DNAJB1: variants seen among roughly 807,000 people sequenced by gnomAD.
The protein encoded by DNAJB1 is dnaJ homolog subfamily B member 1.
DNAJB1 carries 14 observed loss-of-function variants against 24.0 expected under a neutral mutation model. The ratio of observed to expected loss-of-function variants is 0.58; its 90% CI spans 0.39 to 0.91. DNAJB1 has a LOEUF of 0.91. DNAJB1 is among the 40% of genes least tolerant of loss of function. The pLI, the probability that DNAJB1 is intolerant of heterozygous loss-of-function variation, is 0.00. For missense variants in DNAJB1, 517 were observed against 458.1 expected (o/e 1.13, Z -1.17); for synonymous variants, 262 against 174.4 (o/e 1.50, Z -3.96).
chr19:14,547,073 G>C (rs765939867), intron 1 of DNAJB1, among the ~76,000 whole-genome samples: 53 of 152,104 alleles, frequency 3.5e-4, no homozygotes, highest in Non-Finnish European at 7.2e-4. Context: ...ATTATAATAA[G>C]ATCCTATGAA....
chr19:14,519,836 G>T (rs777605266), upstream of DNAJB1, among the ~76,000 whole-genome samples: 1 of 152,130 alleles, frequency 6.6e-6, no homozygotes, highest in African/African-American at 2.4e-5. Context: ...CAACACGATC[G>T]CGTTTGGCTC....
At chr19:14,531,303 C>G (rs539478267), upstream of DNAJB1, 1 of 152,116 alleles carries the variant, frequency 6.6e-6, no homozygotes, top group African/African-American at 2.4e-5. Flanking sequence ...TCCCAAAGTA[C>G]TGGGATTACA....
chr19:14,517,042 T>C lies in DNAJB1; in HGVS notation c.216A>G (p.Leu72=). ...EIFDRYGEEG[L]KGSGPSGGSG... ...TACCGCCACTGGGGCCACTCCCCTT[T>C]AGGCCTGAAAAGCAGATTTAGAAGC... Residue 72 remains leucine, a synonymous_variant, in exon 2 of 3, where the codon CTA becomes CTG. Transcript: ENST00000254322. 3 of 1,605,470 alleles carry C rather than the reference T, an allele frequency of 1.9e-6. No individual in the cohort carries two copies. Among genetic ancestry groups the C allele is most frequent in the Admixed American group, 1.7e-5 (1 of 59,452 alleles).
chr19:14,552,774 G>T (rs1287581633), upstream of DNAJB1, among the ~76,000 whole-genome samples: 6 of 151,542 alleles, frequency 4.0e-5, no homozygotes, highest in African/African-American at 7.3e-5. Context: ...CTGACCTCGT[G>T]ATCCACCCGC....
At chr19:14,542,457 G>T (rs1301253901) in intron 1 of DNAJB1, among the ~76,000 whole-genome samples, 1 of 144,688 alleles carries the variant, frequency 6.9e-6, no homozygotes, top group African/African-American at 2.5e-5. Context: ...CGCCTCCCGG[G>T]TTCAATCAAT....
chr19:14,524,439 C>G (rs779132520), intron 2 of DNAJB1, among the ~76,000 whole-genome samples: 2 of 152,086 alleles, frequency 1.3e-5, no homozygotes, highest in Admixed American at 1.3e-4. Flanking sequence ...GGGAGGATCA[C>G]TTGAGCTCAG....
intron 1 of DNAJB1, among the ~76,000 whole-genome samples, chr19:14,545,396 C>T (rs1332339313): frequency 6.6e-6 from 1 of 152,224 alleles, no homozygotes; most frequent in Non-Finnish European, 1.5e-5. Context: ...CCACTGTGGC[C>T]CTCTGGGCCC....
intron 1 of DNAJB1, among the ~76,000 whole-genome samples, chr19:14,537,786 C>T (rs1019119979): frequency 2.1e-5 from 3 of 143,784 alleles, no homozygotes; most frequent in Non-Finnish European, 4.5e-5. Context: ...CGCTCTTGTC[C>T]CCTAGGCTGG....
upstream of DNAJB1, chr19:14,529,828 G>A: frequency 1.4e-6 from 2 of 1,476,442 alleles, no homozygotes; most frequent in Non-Finnish European, 1.9e-6. Context: ...GCCAGACGGC[G>A]CAGGCGCAGT....
exon 1 of DNAJB1, among the ~76,000 whole-genome samples, chr19:14,560,233 C>T (rs1978625): frequency 2.7e-4 from 41 of 151,614 alleles, no homozygotes; most frequent in Admixed American, 2.0e-4. Context: ...GAGCAGGGTA[C>T]GATTTCACCC....
chr19:14,517,808 C>G (rs1470320756), intron 1 of DNAJB1: 3 of 244,424 alleles, frequency 1.2e-5, no homozygotes, highest in African/African-American at 2.3e-5. Context: ...GGGTCCGCAG[C>G]GGGCTCCGCC....
chr19:14,536,267 GTTTT>G (rs201416657), intron 1 of DNAJB1, among the ~76,000 whole-genome samples: 1 of 138,044 alleles, frequency 7.2e-6, no homozygotes. Context: ...TCTCGAGCTA[GTTTT>G]TTTTTTTTTT....
intron 1 of DNAJB1, among the ~76,000 whole-genome samples, chr19:14,537,610 G>A (rs1568399210): frequency 6.6e-6 from 1 of 152,138 alleles, no homozygotes; most frequent in East Asian, 1.9e-4. Context: ...AGTTCAGGCT[G>A]GGTCTTAACA....
At chr19:14,556,511 C>T (rs914981379) in intron 1 of DNAJB1, among the ~76,000 whole-genome samples, 6 of 152,052 alleles carry the variant, frequency 3.9e-5, no homozygotes, top group African/African-American at 1.4e-4. Flanking sequence ...GCTATCTGCC[C>T]CCACCCCCTG....
At chr19:14,517,191 A>T in intron 1 of DNAJB1, 145 bp from the exon 2 acceptor site, 2 of 749,154 alleles carry the variant, frequency 2.7e-6, no homozygotes, top group Non-Finnish European at 4.2e-6. Flanking sequence ...CCAAGTTTCT[A>T]CCTCTCACTG....
chr19:14,542,599 T>G (rs1490608243), intron 1 of DNAJB1, among the ~76,000 whole-genome samples: 1 of 138,102 alleles, frequency 7.2e-6, no homozygotes. Context: ...TGACCTCAGG[T>G]GATCTACACG....
intron 1 of DNAJB1, among the ~76,000 whole-genome samples, chr19:14,540,290 G>A (rs894990038): frequency 9.2e-5 from 14 of 151,778 alleles, no homozygotes; most frequent in Admixed American, 3.3e-4. Flanking sequence ...GGATGGTCTC[G>A]ATCTCCTGAC....
chr19:14,550,129 CTCCTT>C (rs1159272691), intron 1 of DNAJB1, among the ~76,000 whole-genome samples: 13 of 151,974 alleles, frequency 8.6e-5, no homozygotes, highest in South Asian at 2.1e-4. Context: ...ATTTTTGTCT[CTCCTT>C]CTATAGCTGA....
intron 1 of DNAJB1, among the ~76,000 whole-genome samples, chr19:14,555,528 C>T (rs2073692330): frequency 1.3e-5 from 2 of 150,058 alleles, no homozygotes; most frequent in South Asian, 2.1e-4. Flanking sequence ...TCACCACAAC[C>T]TCCATCTCCT....
Sources: gnomAD v4.1 joint callset for allele counts (sites outside exome capture counted in the v4.1 genomes callset) on GRCh38, gnomAD v4.1.1 for gene constraint, MANE v1.5 for transcripts, NCBI Gene and HGNC (gene_info 2026-07-23, HGNC 2026-07-21) for gene names.